PACSIN2: variants seen among roughly 807,000 people sequenced by gnomAD.
The protein encoded by PACSIN2 is protein kinase C and casein kinase substrate in neurons protein 2.
Under a neutral mutation model 63.8 loss-of-function variants are expected in PACSIN2, and 25 were observed. The observed-to-expected ratio is 0.39, with a 90% CI of 0.29 to 0.55. The LOEUF (loss-of-function observed/expected upper bound fraction) is 0.55. PACSIN2 is among the 20% of genes least tolerant of loss of function. The pLI is 0.62. For synonymous variants in PACSIN2, 255 were observed against 256.2 expected, an observed-to-expected ratio of 1.00 and a Z score of 0.05; for missense variants, 518 against 646.9, an observed-to-expected ratio of 0.80 and a Z score of 2.16.
At chr22:42,964,419 A>G (rs984597063) in intron 1 of PACSIN2, among the ~76,000 whole-genome samples, 4 of 26,144 alleles carry the variant, frequency 1.5e-4, no homozygotes, top group South Asian at 1.1e-3. Flanking sequence ...CTCCGTCTGG[A>G]AAAAAAAAAA....
intron 1 of PACSIN2, among the ~76,000 whole-genome samples, chr22:42,969,633 T>C (rs1332235266): frequency 6.6e-6 from 1 of 152,036 alleles, no homozygotes; most frequent in Non-Finnish European, 1.5e-5. Flanking sequence ...TCCTACGTAG[T>C]TTCTACGTAG....
At chr22:42,893,407 C>T in intron 3 of PACSIN2, 50 bp downstream of exon 3, 1 of 1,588,976 alleles carries the variant, frequency 6.3e-7, no homozygotes, top group Non-Finnish European at 8.6e-7. Context: ...GAGCCCCCGG[C>T]TGGGGTGTAG....
At chr22:42,922,836 C>A (rs1232359482) in intron 1 of PACSIN2, among the ~76,000 whole-genome samples, 1 of 152,160 alleles carries the variant, frequency 6.6e-6, no homozygotes, top group African/African-American at 2.4e-5. Flanking sequence ...GATTGGCACA[C>A]AGCAAAGTAA....
At chr22:42,987,469 CACACACACACACACACACACACACCCAT>C (rs1274681791) in intron 1 of PACSIN2, among the ~76,000 whole-genome samples, 31 of 119,608 alleles carry the variant, frequency 2.6e-4, no homozygotes, top group African/African-American at 1.0e-3. Flanking sequence ...CACACACACA[CACACACACACACACACACACACACCCAT>C]GGCACCATGT....
chr22:42,972,917 T>C (rs1921432692), intron 1 of PACSIN2, among the ~76,000 whole-genome samples: 2 of 152,198 alleles, frequency 1.3e-5, no homozygotes, highest in Admixed American at 1.3e-4. Flanking sequence ...TCTTCCTACA[T>C]TTCAGACAGG....
chr22:43,010,398 A>ATTTTTT (rs1555950816), intron 1 of PACSIN2, among the ~76,000 whole-genome samples: 10 of 126,394 alleles, frequency 7.9e-5, no homozygotes, highest in East Asian at 4.2e-4. Context: ...ATATATATAT[A>ATTTTTT]TTTTTTTTTA....
intron 1 of PACSIN2, among the ~76,000 whole-genome samples, chr22:42,970,716 C>T (rs1921192524): frequency 6.6e-6 from 1 of 152,156 alleles, no homozygotes; most frequent in Non-Finnish European, 1.5e-5. Flanking sequence ...CTAAAGAAAT[C>T]AAATGATTTG....
At chr22:42,902,640 T>C (rs2267464) in intron 2 of PACSIN2, among the ~76,000 whole-genome samples, 1 of 151,856 alleles carries the variant, frequency 6.6e-6, no homozygotes, top group South Asian at 2.1e-4. Context: ...TCGCTCTGTC[T>C]TCCAGGCTGG....
chr22:42,879,113 A>G lies in PACSIN2; in HGVS notation c.963T>C (p.Thr321=). 1 of 1,614,140 alleles carries G rather than the reference A, an allele frequency of 6.2e-7. No homozygotes were observed. Among genetic ancestry groups the G allele is most frequent in the South Asian group, 1.1e-5 (1 of 91,076 alleles). Residue 321 remains threonine (T), a synonymous_variant, in exon 8 of 11, where the codon ACT becomes ACC. Coordinates refer to ENST00000263246, the MANE Select transcript of PACSIN2 (RefSeq NM_001184970.3). The part of the protein sequence containing the change: ...TLSRREKKKA[T]DGVTLTGINQ... ...TGATGCCCGTCAGGGTGACGCCGTC[A>G]GTGGCCTTCTTCTTCTCTCTCCGGC...
At chr22:42,937,032 T>C (rs1351341775) in intron 1 of PACSIN2, among the ~76,000 whole-genome samples, 4 of 152,224 alleles carry the variant, frequency 2.6e-5, no homozygotes, top group African/African-American at 9.6e-5. Flanking sequence ...CACCTGTATA[T>C]TGGGTGCCTG....
intron 1 of PACSIN2, among the ~76,000 whole-genome samples, chr22:42,925,208 G>A (rs1053569237): frequency 4.6e-5 from 7 of 151,920 alleles, no homozygotes; most frequent in African/African-American, 9.7e-5. Context: ...GGGCCGGGGC[G>A]GTGGCTCACG....
At chr22:42,973,838 C>A (rs1921497317) in intron 1 of PACSIN2, among the ~76,000 whole-genome samples, 1 of 152,240 alleles carries the variant, frequency 6.6e-6, no homozygotes, top group Non-Finnish European at 1.5e-5. Flanking sequence ...AGGGGCACAG[C>A]ATATGCTAAA....
intron 2 of PACSIN2, among the ~76,000 whole-genome samples, chr22:42,894,968 A>C (rs745662027): frequency 5.9e-5 from 9 of 152,206 alleles, no homozygotes; most frequent in Non-Finnish European, 1.5e-5. Flanking sequence ...GCTGTCCCTG[A>C]GGCTGAGCTA....
chr22:42,909,794 T>C (rs1931327240), intron 2 of PACSIN2, among the ~76,000 whole-genome samples: 2 of 152,232 alleles, frequency 1.3e-5, no homozygotes, highest in Admixed American at 1.3e-4. Flanking sequence ...TGAAGAATTC[T>C]GTAATAGCAC....
At chr22:42,929,811 G>C (rs1361037584) in intron 1 of PACSIN2, among the ~76,000 whole-genome samples, 1 of 152,202 alleles carries the variant, frequency 6.6e-6, no homozygotes, top group African/African-American at 2.4e-5. Flanking sequence ...CAGCCTCCCA[G>C]ATGAGTGTCA....
At chr22:42,922,566 C>T (rs115193994) in intron 1 of PACSIN2, among the ~76,000 whole-genome samples, 1,598 of 152,330 alleles carry the variant, frequency 0.01, 27 homozygotes, top group African/African-American at 0.036. Flanking sequence ...TCTGGCCGCT[C>T]CACAGGCCTT....
rs1211016037 is a variant in PACSIN2 at position 42,882,172 on chromosome 22, C to T, written c.906+12G>A. On this transcript the variant is annotated intron_variant, in intron 7 of 10. Transcript: ENST00000263246. The stretch of plus-strand genomic sequence containing the variant: ...CCAGGCTGATGAGCTCATGGGCACA[C>T]CCTCCTCTTACCTCAAACTGCGGCC... The T allele has an allele frequency of 6.8e-6, 11 of 1,613,938 alleles. No individual in the cohort carries two copies. Among genetic ancestry groups the T allele is most frequent in the African/African-American group, 2.7e-5 (2 of 75,050 alleles).
At chr22:42,876,863 G>A in intron 9 of PACSIN2, 25 bp downstream of exon 9, 1 of 1,613,924 alleles carries the variant, frequency 6.2e-7, no homozygotes, top group Admixed American at 1.7e-5. Flanking sequence ...CGCGGTGGGA[G>A]CAGAGGAAGC....
rs1928026676 is a variant in PACSIN2, at chr22:42,870,551, T to A, written c.*806A>T. 6.6e-6 allele frequency: 1 copy of A among 152,210 alleles called. No individual in the cohort carries two copies. The highest frequency in any genetic ancestry group is 1.5e-5 in the Non-Finnish European group (1 of 68,034). The allele number at this position is 152,210 out of a possible 1,614,324, so 9.4% of individuals were successfully genotyped here. A position where few individuals can be genotyped will look rare whatever the true frequency, so the allele number is the denominator to read the frequency against. On this transcript the variant is annotated 3_prime_UTR_variant, in exon 11 of 11. Coordinates refer to ENST00000263246, the MANE Select transcript of PACSIN2 (RefSeq NM_001184970.3). ...ATGCATTTGCTTGAAAAGTTAGTCT[T>A]CTTTTTAACTCTGAATCAGTGATAA...
Sources: allele counts gnomAD v4.1 joint callset (sites outside exome capture counted in the v4.1 genomes callset), GRCh38; gene constraint gnomAD v4.1.1; transcripts MANE v1.5; gene names NCBI Gene and HGNC (gene_info 2026-07-23, HGNC 2026-07-21).